The following MLLT3 variants were observed in gnomAD, a reference collection of about 807,000 sequenced individuals.
The protein encoded by MLLT3 is protein AF-9.
Under a neutral mutation model 53.2 loss-of-function variants are expected in MLLT3, and 4 were observed. That is an observed-to-expected ratio of 0.08 (90% confidence interval 0.04 to 0.17). The LOEUF (loss-of-function observed/expected upper bound fraction) is 0.17. MLLT3 is among the 10% of genes least tolerant of loss of function. The pLI, the probability that MLLT3 is intolerant of heterozygous loss-of-function variation, is 1.00. For missense variants in MLLT3, 569 were observed against 684.0 expected (o/e 0.83, Z 1.87); for synonymous variants, 283 against 230.6 (o/e 1.23, Z -2.06).
intron 2 of MLLT3, among the ~76,000 whole-genome samples, chr9:20,552,551 C>T (rs372259968): frequency 1.3e-3 from 199 of 152,012 alleles, no homozygotes; most frequent in African/African-American, 4.5e-3. Context: ...GCAGAATAGA[C>T]GGTTTGAGAG....
rs151057155 is a variant in MLLT3, at chr9:20,595,787, C to A, written c.193+24867G>T. Among the ~76,000 whole-genome samples the A allele has an allele frequency of 4.7e-3, 718 of 152,250 alleles. 3 individuals carry two copies. Among genetic ancestry groups the A allele is most frequent in the African/African-American group, 0.015 (632 of 41,558 alleles). On this transcript the variant is annotated intron_variant, in intron 2 of 10. Coordinates refer to ENST00000380338, the MANE Select transcript of MLLT3 (RefSeq NM_004529.4). Reference sequence around the variant, plus strand: ...TTTATATAAAAAGTCTTATCAGATTCTTTTCCTCTACTTTTTATCCCTCAC... The same window carrying A: ...TTTATATAAAAAGTCTTATCAGATTATTTTCCTCTACTTTTTATCCCTCAC...
intron 5 of MLLT3, chr9:20,410,816 C>T (rs1352538195): frequency 6.6e-6 from 1 of 152,168 alleles, no homozygotes; most frequent in Non-Finnish European, 1.5e-5. Flanking sequence ...AAGACCTATA[C>T]TGAGGCGAGA....
intron 5 of MLLT3, chr9:20,382,593 T>C (rs1025086277): frequency 1.3e-5 from 2 of 151,896 alleles, no homozygotes; most frequent in African/African-American, 2.4e-5. Flanking sequence ...ATCTAACACA[T>C]ACACAGGCTA....
At chr9:20,467,045 G>A (rs1264298911) in intron 2 of MLLT3, among the ~76,000 whole-genome samples, 1 of 152,066 alleles carries the variant, frequency 6.6e-6, no homozygotes, top group Non-Finnish European at 1.5e-5. Context: ...TAGAGCAACT[G>A]AATTAGGTAT....
At chr9:20,506,755 T>C (rs2118952559) in intron 2 of MLLT3, among the ~76,000 whole-genome samples, 1 of 152,336 alleles carries the variant, frequency 6.6e-6, no homozygotes, top group Middle Eastern at 3.4e-3. Context: ...ACAAAAGAAC[T>C]TAGTGTTCTT....
At chr9:20,560,726 G>A (rs1347390854) in intron 2 of MLLT3, among the ~76,000 whole-genome samples, 5 of 152,138 alleles carry the variant, frequency 3.3e-5, no homozygotes, top group African/African-American at 1.2e-4. Flanking sequence ...TCTATGCAGA[G>A]AGGATAGCCT....
At position 20,413,886 on chromosome 9, in the gene MLLT3, A is replaced by G. The variant is rs1167338825; in HGVS notation, c.960T>C (p.Cys320=). 4 of 1,614,140 alleles carry G rather than the reference A, an allele frequency of 2.5e-6. No homozygotes were observed. The highest frequency in any genetic ancestry group is 4.5e-5 in the East Asian group (2 of 44,876). ...CTTTTATCTGTTTTTTGTCAGCAGA[A>G]CAAGTGAGTATCAGTGGTGGTGCGC... ...FSSAPPLILT[C]SADKKQIKDK... is the part of the protein sequence containing the mutation. The change falls in exon 5 of 11, where the codon TGT becomes TGC. Residue 320 remains cysteine (C), a synonymous_variant. Coordinates refer to ENST00000380338, the MANE Select transcript of MLLT3 (RefSeq NM_004529.4).
chr9:20,554,472 A>T (rs767335333), intron 2 of MLLT3, among the ~76,000 whole-genome samples: 1 of 152,212 alleles, frequency 6.6e-6, no homozygotes, highest in African/African-American at 2.4e-5. Flanking sequence ...CCAAAAATGG[A>T]TGACATGAAC....
chr9:20,547,361 T>C (rs1430742534), intron 2 of MLLT3, among the ~76,000 whole-genome samples: 1 of 151,270 alleles, frequency 6.6e-6, no homozygotes, highest in Non-Finnish European at 1.5e-5. Context: ...ATTTGATACA[T>C]GGCCAGGCAT....
intron 2 of MLLT3, among the ~76,000 whole-genome samples, chr9:20,489,227 A>G (rs901259395): frequency 2.6e-5 from 4 of 152,210 alleles, no homozygotes; most frequent in African/African-American, 9.6e-5. Flanking sequence ...TTGGAAAAAT[A>G]AATTTCGTAA....
chr9:20,541,620 T>A (rs1418293247), intron 2 of MLLT3, among the ~76,000 whole-genome samples: 1 of 152,162 alleles, frequency 6.6e-6, no homozygotes. Flanking sequence ...TCCGCCCCCA[T>A]GATCCAATCA....
At position 20,620,471 on chromosome 9, in the gene MLLT3, A is replaced by C. The variant is rs1003646540; in HGVS notation, c.193+183T>G. On this transcript the variant is annotated intron_variant, in intron 2 of 10. Transcript: ENST00000380338. The surrounding 1 kb of genome is among the most constrained non-coding windows in gnomAD (Gnocchi z 6.1). ...TCTGCGGTGACTTTCACCAAGCCGA[A>C]GTGGCGCGCGCGCGGGCAGGCGGGA... Among the ~76,000 whole-genome samples, 1 of 150,524 alleles carries C rather than the reference A, an allele frequency of 6.6e-6. No individual in the cohort carries two copies.
At chr9:20,371,271 G>T (rs1821593498) in intron 5 of MLLT3, among the ~76,000 whole-genome samples, 2 of 152,198 alleles carry the variant, frequency 1.3e-5, no homozygotes, top group Non-Finnish European at 2.9e-5. Context: ...TTATCCAGAA[G>T]ATCTAGCTAA....
intron 2 of MLLT3, among the ~76,000 whole-genome samples, chr9:20,569,019 T>C (rs1819456164): frequency 1.3e-5 from 2 of 152,100 alleles, no homozygotes; most frequent in Admixed American, 1.3e-4. Flanking sequence ...CTTCAAAAAA[T>C]TCCCAAAGGA....
intron 4 of MLLT3, among the ~76,000 whole-genome samples, chr9:20,430,045 A>G (rs1052171909): frequency 9.2e-5 from 14 of 152,192 alleles, no homozygotes; most frequent in African/African-American, 3.1e-4. Flanking sequence ...AAGATGTTAG[A>G]AGTCATATCA....
intron 5 of MLLT3, among the ~76,000 whole-genome samples, chr9:20,366,542 T>C: frequency 6.6e-6 from 1 of 152,190 alleles, no homozygotes; most frequent in South Asian, 2.1e-4. Context: ...TGATTTATAA[T>C]CCTTTGGGTA....
At chr9:20,453,051 G>A (rs1823875331) in intron 3 of MLLT3, among the ~76,000 whole-genome samples, 1 of 152,052 alleles carries the variant, frequency 6.6e-6, no homozygotes, top group African/African-American at 2.4e-5. Flanking sequence ...AAAAAATAAA[G>A]AAACAAATAT....
chr9:20,355,116 A>C (rs1479287045), intron 8 of MLLT3, among the ~76,000 whole-genome samples: 2 of 151,698 alleles, frequency 1.3e-5, no homozygotes, highest in African/African-American at 2.4e-5. Flanking sequence ...AAAAAAAAAA[A>C]ACAACACAGT....
intron 2 of MLLT3, among the ~76,000 whole-genome samples, chr9:20,503,010 C>G (rs895424127): frequency 6.6e-6 from 1 of 152,008 alleles, no homozygotes; most frequent in Non-Finnish European, 1.5e-5. Flanking sequence ...GTTGAAAGAC[C>G]TGTACACCAG....
Sources: gnomAD v4.1 joint callset for allele counts (sites outside exome capture counted in the v4.1 genomes callset) on GRCh38, gnomAD v4.1.1 for gene constraint, Gnocchi (gnomAD v3.1) non-coding constraint, MANE v1.5 for transcripts, NCBI Gene and HGNC (gene_info 2026-07-23, HGNC 2026-07-21) for gene names.